NCK2: variants seen among roughly 807,000 people sequenced by gnomAD.
NCK2 encodes cytoplasmic protein NCK2.
In NCK2, 16 loss-of-function variants were observed where a neutral mutation model predicts 33.9. The observed-to-expected ratio is 0.47, with a 90% CI of 0.32 to 0.72. NCK2 has a LOEUF of 0.72. Ranked by LOEUF, NCK2 falls within the 30% of genes least tolerant of loss-of-function variation. NCK2 has a pLI of 0.03. For synonymous variants in NCK2, 273 were observed against 239.9 expected (o/e 1.14, Z -1.27); for missense variants, 418 against 537.3 (o/e 0.78, Z 2.19).
chr2:105,861,727 C>A (rs1677542209), intron 3 of NCK2, among the ~76,000 whole-genome samples: 1 of 152,036 alleles, frequency 6.6e-6, no homozygotes, highest in South Asian at 2.1e-4. Context: ...GTTGGCCAGG[C>A]TGGTCTCGAA....
intron 2 of NCK2, among the ~76,000 whole-genome samples, chr2:105,827,008 A>T (rs1457568907): frequency 2.7e-5 from 4 of 150,532 alleles, no homozygotes; most frequent in African/African-American, 4.9e-5. Context: ...TTTATTTTTT[A>T]TTTTTTTTTG....
chr2:105,873,723 AAAAG>A (rs1365908733), intron 3 of NCK2, among the ~76,000 whole-genome samples: 2 of 152,200 alleles, frequency 1.3e-5, no homozygotes, highest in Non-Finnish European at 2.9e-5. Context: ...GAAGGGGAAA[AAAAG>A]AAAACGAAAA....
At chr2:105,867,574 G>A (rs1046985670) in intron 3 of NCK2, among the ~76,000 whole-genome samples, 1 of 152,212 alleles carries the variant, frequency 6.6e-6, no homozygotes, top group Non-Finnish European at 1.5e-5. Flanking sequence ...GGAGGACAAG[G>A]CAGGAGAGAC....
Position 105,855,272 on chromosome 2 carries a change from A to AG in NCK2, c.209_210insG (p.Asn70LysfsTer60). 1 of 1,606,728 alleles carries AG rather than the reference A, an allele frequency of 6.2e-7. No individual in the cohort carries two copies. The highest frequency in any genetic ancestry group is 8.5e-7 in the Non-Finnish European group (1 of 1,176,396). On this transcript the variant is annotated frameshift_variant, in exon 3 of 5. Coordinates refer to ENST00000233154, the MANE Select transcript of NCK2 (RefSeq NM_003581.5). LOFTEE classifies it high-confidence loss of function. ...CTGAAGAAGGGCTCCCTCGTGAAGA[A>AG]CCTGAAGGACACACTAGGTGAGTGT...
intron 1 of NCK2, among the ~76,000 whole-genome samples, chr2:105,768,296 T>A (rs4851858): frequency 0.34 from 51,232 of 152,196 alleles, 9,752 homozygotes; most frequent in East Asian, 0.46. Flanking sequence ...CCGGTGGCTG[T>A]GTTATCAAAC....
chr2:105,797,715 A>T (rs918977039), intron 1 of NCK2, among the ~76,000 whole-genome samples: 6 of 152,312 alleles, frequency 3.9e-5, no homozygotes, highest in Non-Finnish European at 7.3e-5. Context: ...GCTGATGCAA[A>T]GTCTTTCGTA....
chr2:105,881,199 G>A lies in NCK2; in HGVS notation c.227-129G>A, dbSNP rs1678461820. 3.9e-6 allele frequency: 5 copies of A among 1,292,268 alleles called. No homozygotes were observed. The Admixed American group carries it at 1.4e-4, about 36-fold the overall frequency. The allele number at this position is 1,292,268 out of a possible 1,614,324, so 80.1% of individuals were successfully genotyped here. ...ATTTTTCTCATGGTAATTACAGTTT[G>A]TAAGCACTGTCCATGTGTCGTCCCC... On this transcript the variant is annotated intron_variant, in intron 3 of 4. Transcript: ENST00000233154.
chr2:105,821,310 T>G (rs1200027231), intron 2 of NCK2, among the ~76,000 whole-genome samples: 1 of 152,182 alleles, frequency 6.6e-6, no homozygotes, highest in Non-Finnish European at 1.5e-5. Flanking sequence ...CATTAAGATT[T>G]TAGGGCTAAA....
At chr2:105,762,163 G>T (rs185883169) in intron 1 of NCK2, among the ~76,000 whole-genome samples, 60 of 152,296 alleles carry the variant, frequency 3.9e-4, no homozygotes, top group Admixed American at 3.1e-3. Flanking sequence ...CTTAGAAGAA[G>T]CTTGTGAGAA....
chr2:105,792,764 G>A (rs1187479411), intron 1 of NCK2, among the ~76,000 whole-genome samples: 2 of 152,184 alleles, frequency 1.3e-5, no homozygotes, highest in Non-Finnish European at 2.9e-5. Flanking sequence ...TTTCTGGCAA[G>A]GCTGCCCCTT....
At chr2:105,749,886 C>T (rs1004924609) in intron 1 of NCK2, among the ~76,000 whole-genome samples, 1 of 151,914 alleles carries the variant, frequency 6.6e-6, no homozygotes, top group African/African-American at 2.4e-5. Flanking sequence ...ACACAGAGGC[C>T]GGGCGCAGTG....
rs138310754 is a variant in NCK2 at position 105,842,639 on chromosome 2, TCTTGA to T, written c.-16-12404_-16-12400del. ...TGAGATCTCTCTAAGTGCTCTTGAC[TCTTGA>T]CTTGTGTCATTATGTTTTGTTGCCC... is the stretch of plus-strand genomic sequence containing the variant. On this transcript the variant is annotated intron_variant, in intron 2 of 4. Transcript: ENST00000233154. 1.1e-3 allele frequency among the ~76,000 whole-genome samples: 173 copies of T among 152,252 alleles called. 3 individuals carry two copies. The highest frequency in any genetic ancestry group is 4.0e-3 in the African/African-American group (165 of 41,552).
chr2:105,807,472 A>G (rs1183576612), intron 1 of NCK2, among the ~76,000 whole-genome samples: 1 of 152,186 alleles, frequency 6.6e-6, no homozygotes, highest in African/African-American at 2.4e-5. Context: ...AGTAGCATAC[A>G]GCTGATATCT....
intron 2 of NCK2, among the ~76,000 whole-genome samples, chr2:105,821,403 T>C (rs973505058): frequency 6.6e-6 from 1 of 152,144 alleles, no homozygotes. Context: ...AATGGGCCCA[T>C]CTCAGCCTCC....
chr2:105,784,836 T>C (rs1022208216), intron 1 of NCK2, among the ~76,000 whole-genome samples: 1 of 152,210 alleles, frequency 6.6e-6, no homozygotes, highest in African/African-American at 2.4e-5. Flanking sequence ...GAGTGTGTCC[T>C]CAGATACTGA....
At chr2:105,763,319 T>C (rs902766742) in intron 1 of NCK2, among the ~76,000 whole-genome samples, 1 of 152,200 alleles carries the variant, frequency 6.6e-6, no homozygotes, top group Non-Finnish European at 1.5e-5. Context: ...ACCGAGCTGC[T>C]GGGACCGAGG....
intron 4 of NCK2, 98 bp downstream of exon 4, chr2:105,882,147 T>G (rs1678530594): frequency 7.8e-7 from 1 of 1,285,862 alleles, no homozygotes; most frequent in African/African-American, 1.5e-5. Context: ...GTGAGTACAC[T>G]AGAAAGAGCG....
At chr2:105,847,412 C>T (rs1573196827) in intron 2 of NCK2, 1 of 151,822 alleles carries the variant, frequency 6.6e-6, no homozygotes, top group Non-Finnish European at 1.5e-5. Context: ...ATATTGTGTG[C>T]TTGAACTTTT....
chr2:105,763,620 A>G (rs1410851711), intron 1 of NCK2, among the ~76,000 whole-genome samples: 23 of 152,134 alleles, frequency 1.5e-4, no homozygotes, highest in Admixed American at 1.5e-3. Flanking sequence ...TTACTGTTAC[A>G]GCAGTGGGGT....
Sources: gnomAD v4.1 joint callset for allele counts (sites outside exome capture counted in the v4.1 genomes callset) on GRCh38, gnomAD v4.1.1 for gene constraint, MANE v1.5 for transcripts, NCBI Gene and HGNC (gene_info 2026-07-23, HGNC 2026-07-21) for gene names.